STPG2: variants seen among roughly 807,000 people sequenced by gnomAD.
The protein encoded by STPG2 is sperm-tail PG-rich repeat-containing protein 2.
STPG2 carries 56 observed loss-of-function variants against 54.2 expected under a neutral mutation model. The observed-to-expected ratio is 1.03, with a 90% CI of 0.83 to 1.29. The LOEUF (loss-of-function observed/expected upper bound fraction) is 1.29, where lower values mean the gene tolerates loss of function less well. STPG2 is among the 50% of genes most tolerant of loss of function. The probability of loss-of-function intolerance (pLI) is 0.00; values close to 1 mark genes in which losing one functional copy is unlikely to be tolerated. For synonymous variants in STPG2, 200 were observed against 181.8 expected (o/e 1.10, Z -0.81); for missense variants, 596 against 544.9 (o/e 1.09, Z -0.93).
intron 10 of STPG2, among the ~76,000 whole-genome samples, chr4:97,639,905 A>C (rs931966951): frequency 1.3e-5 from 2 of 152,120 alleles, no homozygotes; most frequent in African/African-American, 2.4e-5. Context: ...ATAACTATTT[A>C]GCCTTTATTC....
chr4:98,058,027 C>T (rs901045889), intron 5 of STPG2, among the ~76,000 whole-genome samples: 2 of 152,140 alleles, frequency 1.3e-5, no homozygotes, highest in Admixed American at 6.5e-5. Flanking sequence ...TACCACCAGA[C>T]CTGCCTTACA....
intron 4 of STPG2, among the ~76,000 whole-genome samples, chr4:97,469,162 G>A (rs1458088506): frequency 1.3e-5 from 2 of 152,068 alleles, no homozygotes; most frequent in African/African-American, 4.8e-5. Context: ...TGGTATTCAG[G>A]TAGTGCTATT....
intron 10 of STPG2, among the ~76,000 whole-genome samples, chr4:97,627,463 TAC>T (rs1734163554): frequency 6.6e-6 from 1 of 152,192 alleles, no homozygotes. Flanking sequence ...TAAACTAGGA[TAC>T]TTAACATACT....
chr4:98,085,589 T>C (rs1054642988), intron 5 of STPG2, among the ~76,000 whole-genome samples: 1 of 152,098 alleles, frequency 6.6e-6, no homozygotes, highest in South Asian at 2.1e-4. Context: ...ATACTTTTTG[T>C]GCAGAGGCAT....
chr4:97,927,310 G>A (rs987984531), intron 8 of STPG2, among the ~76,000 whole-genome samples: 1 of 152,012 alleles, frequency 6.6e-6, no homozygotes, highest in Non-Finnish European at 1.5e-5. Context: ...TTTAGAAAAT[G>A]TTGGTATAAT....
intron 5 of STPG2, among the ~76,000 whole-genome samples, chr4:98,071,999 G>C (rs1468998185): frequency 6.6e-6 from 1 of 152,182 alleles, no homozygotes; most frequent in Non-Finnish European, 1.5e-5. Flanking sequence ...AAACAGAGTG[G>C]CAATTCCTCA....
chr4:97,672,118 T>C (rs909734435), intron 10 of STPG2, among the ~76,000 whole-genome samples: 1 of 149,498 alleles, frequency 6.7e-6, no homozygotes. Context: ...TTTTACATGG[T>C]AAAAAACTGT....
chr4:97,510,288 A>G (rs938969813), intron 4 of STPG2, among the ~76,000 whole-genome samples: 7 of 152,120 alleles, frequency 4.6e-5, no homozygotes, highest in African/African-American at 7.2e-5. Flanking sequence ...TTATATATTG[A>G]TATGGAGAAA....
At chr4:98,020,498 G>T (rs895812519) in intron 5 of STPG2, among the ~76,000 whole-genome samples, 1 of 151,744 alleles carries the variant, frequency 6.6e-6, no homozygotes, top group Non-Finnish European at 1.5e-5. Flanking sequence ...TTGTATCTCT[G>T]CCCGGCTTTG....
At position 97,527,535 on chromosome 4, in the gene STPG2, AT is replaced by A. The variant is rs560730244; in HGVS notation, c.462+185163del. Among the ~76,000 whole-genome samples the A allele has an allele frequency of 5.5e-3, 834 of 152,258 alleles. 7 individuals are homozygous for A. The highest frequency in any genetic ancestry group is 0.02 in the Middle Eastern group (6 of 294). ...CCCAGTAATGGGATTGCTGGGTCAA[AT>A]GGTATTTCTGGTTCTAGATTCTTGA... On this transcript the variant is annotated intron_variant, in intron 4 of 4. Transcript: ENST00000522676.
chr4:97,555,486 T>A (rs1272075519), downstream of STPG2, among the ~76,000 whole-genome samples: 1 of 152,118 alleles, frequency 6.6e-6, no homozygotes, highest in Non-Finnish European at 1.5e-5. Flanking sequence ...ATAAGATTAA[T>A]TACCATGTTA....
chr4:97,814,540 G>C (rs1368889965), intron 9 of STPG2, among the ~76,000 whole-genome samples: 1 of 152,028 alleles, frequency 6.6e-6, no homozygotes, highest in African/African-American at 2.4e-5. Flanking sequence ...TTGGCTAAAT[G>C]GTCAGTGTGA....
At chr4:97,448,493 A>T (rs1343422197) in intron 4 of STPG2, among the ~76,000 whole-genome samples, 5 of 152,036 alleles carry the variant, frequency 3.3e-5, no homozygotes, top group Admixed American at 6.6e-5. Context: ...TGCTGTTCTC[A>T]TGATAGTGAC....
At chr4:97,792,975 G>T (rs1727049084) in intron 9 of STPG2, among the ~76,000 whole-genome samples, 1 of 151,982 alleles carries the variant, frequency 6.6e-6, no homozygotes, top group Non-Finnish European at 1.5e-5. Context: ...AACATGGTGA[G>T]ACCCCCATCT....
intron 9 of STPG2, among the ~76,000 whole-genome samples, chr4:97,750,013 T>C (rs1725535567): frequency 1.3e-5 from 2 of 151,782 alleles, no homozygotes; most frequent in Admixed American, 6.6e-5. Context: ...TTTTCTCAGG[T>C]TAAAGCCTTC....
chr4:97,503,598 T>C (rs1730774282), intron 4 of STPG2, among the ~76,000 whole-genome samples: 1 of 151,368 alleles, frequency 6.6e-6, no homozygotes, highest in Non-Finnish European at 1.5e-5. Context: ...TATGTATGTT[T>C]TTAAAAGTTA....
At chr4:97,452,120 A>ACCCCCCCCCCCC (rs70953067) in intron 4 of STPG2, among the ~76,000 whole-genome samples, 1 of 19,442 alleles carries the variant, frequency 5.1e-5, no homozygotes, top group Non-Finnish European at 8.7e-5. Flanking sequence ...CCCCGCCCCC[A>ACCCCCCCCCCCC]CCCCCCCCCC....
At chr4:97,501,203 A>C (rs1730717779) in intron 4 of STPG2, among the ~76,000 whole-genome samples, 1 of 152,092 alleles carries the variant, frequency 6.6e-6, no homozygotes, top group Non-Finnish European at 1.5e-5. Flanking sequence ...TAGCCTTTAA[A>C]TATAGTAGTG....
chr4:97,446,802 G>T (rs1214750042), intron 4 of STPG2, among the ~76,000 whole-genome samples: 1 of 152,200 alleles, frequency 6.6e-6, no homozygotes, highest in African/African-American at 2.4e-5. Flanking sequence ...CAGCCATGCT[G>T]AACTGTGAAT....
Sources: gnomAD v4.1 joint callset for allele counts (sites outside exome capture counted in the v4.1 genomes callset) on GRCh38, gnomAD v4.1.1 for gene constraint, MANE v1.5 for transcripts, NCBI Gene and HGNC (gene_info 2026-07-23, HGNC 2026-07-21) for gene names.